SYNE1: variants seen among roughly 807,000 people sequenced by gnomAD.
SYNE1 encodes the protein nesprin-1.
In SYNE1, 616 loss-of-function variants were observed where a neutral mutation model predicts 1,111.0. That is an observed-to-expected ratio of 0.55 (90% CI 0.52 to 0.59). The LOEUF is 0.59. Among genes scored for constraint, SYNE1 ranks in the 20% least tolerant of loss-of-function variants. SYNE1 has a pLI of 0.00. For missense variants in SYNE1, 10,006 were observed against 10,417.0 expected (o/e 0.96, Z 1.72); for synonymous variants, 3,855 against 3,825.8 (o/e 1.01, Z -0.28).
intron 87 of SYNE1, among the ~76,000 whole-genome samples, chr6:152,312,464 C>T (rs1295473690): frequency 1.3e-5 from 2 of 150,758 alleles, no homozygotes; most frequent in African/African-American, 2.4e-5. Context: ...GCCTCGGTCC[C>T]CCAAAGTGCT....
rs776277039 is a variant in SYNE1 at position 152,401,264 on chromosome 6, A to T, written c.6903T>A (p.Asp2301Glu). The T allele has an allele frequency of 6.2e-7, 1 of 1,614,002 alleles. No individual in the cohort carries two copies. Among genetic ancestry groups the T allele is most frequent in the Non-Finnish European group, 8.5e-7 (1 of 1,180,026 alleles). ...CCACTTGTGTACTTTGAGCCGTGAAATCCTTCAGGGTTCCTTTTGCTACTT... is the reference window on the plus strand; with the variant it reads ...CCACTTGTGTACTTTGAGCCGTGAATTCCTTCAGGGTTCCTTTTGCTACTT... ...ITEVAKGTLK[D>E]FTAQSTQVEK... The change falls in exon 47 of 146, where the codon GAT (aspartate) becomes GAA (glutamate). Residue 2301 changes from aspartate to glutamate, a missense_variant. By Grantham distance (45) the Asp-to-Glu change is conservative. This residue lies in a region of SYNE1 where 4,955 missense variants were observed against 5,017.2 expected (regional missense o/e 0.99). Transcript: ENST00000367255.
Position 152,310,940 on chromosome 6 carries a change from C to T in SYNE1, c.16711-67G>A. On this transcript the variant is annotated intron_variant, in intron 87 of 145. Coordinates refer to ENST00000367255, the MANE Select transcript of SYNE1 (RefSeq NM_182961.4). ...AGAGGGATATAGATATTCAATATAG[C>T]TTGGCATAAAATGCCCTGTGTAAGT... 5 of 1,531,872 alleles carry T rather than the reference C, an allele frequency of 3.3e-6. No homozygotes were observed. The South Asian group carries it at 4.7e-5, about 14-fold the overall frequency. 94.9% of individuals were successfully genotyped at this position (1,531,872 alleles called of 1,614,324 possible). A position where few individuals can be genotyped will look rare whatever the true frequency, so the allele number is the denominator to read the frequency against.
chr6:152,167,897 CCT>C, intron 130 of SYNE1: 1 of 749,134 alleles, frequency 1.3e-6, no homozygotes, highest in Non-Finnish European at 2.5e-6. Flanking sequence ...AGTCCATTAA[CCT>C]TTTTGTCCAG....
At chr6:152,485,082 ATGT>A in intron 12 of SYNE1, 110 bp from the exon 13 acceptor site, 3 of 1,212,436 alleles carry the variant, frequency 2.5e-6, no homozygotes, top group Non-Finnish European at 2.3e-6. Context: ...CACTCAATAT[ATGT>A]TGTTGATAAT....
rs201354687 is a variant in SYNE1 at position 152,449,543 on chromosome 6, C to T, written c.3494G>A (p.Arg1165His). Residue 1165 changes from arginine to histidine, a missense_variant, in exon 28 of 146, where the codon CGT (arginine) becomes CAT (histidine). This residue lies in a region of SYNE1 where 1,971 missense variants were observed against 2,084.1 expected (regional missense o/e 0.95). Transcript: ENST00000367255. ...IDTANHGEVK[R>H]AVEEIRNGVT... Reference sequence around the variant, plus strand: ...TGACCCTGAACTTACTTCAACGGCACGTTTAACCTCTCCGTGGTTGGCAGT... The same window carrying T: ...TGACCCTGAACTTACTTCAACGGCATGTTTAACCTCTCCGTGGTTGGCAGT... 72 of 1,613,612 alleles carry T rather than the reference C, an allele frequency of 4.5e-5. No individual in the cohort carries two copies. The highest frequency in any genetic ancestry group is 5.8e-5 in the Non-Finnish European group (69 of 1,179,662).
In SYNE1 at chr6:152,326,633, C is replaced by A; in HGVS notation, c.14956G>T (p.Ala4986Ser). 6.2e-7 allele frequency: 1 copy of A among 1,612,924 alleles called. No individual in the cohort carries two copies. The highest frequency in any genetic ancestry group is 1.7e-5 in the Admixed American group (1 of 59,982). ...TGGCTATATATTTCAGTCAAGGTAGCCTGAAAAACAGCAATTGCAAACATA... is the reference window on the plus strand; with the variant it reads ...TGGCTATATATTTCAGTCAAGGTAGACTGAAAAACAGCAATTGCAAACATA... Reference protein sequence around the residue: ...DIQEALRTRQATLTEIYSQCQ... With the variant: ...DIQEALRTRQSTLTEIYSQCQ... Residue 4986 changes from alanine (A) to serine (S), a missense_variant and splice_region_variant, in exon 79 of 146, where the codon GCT becomes TCT. Ala to Ser is a moderately conservative substitution (Grantham distance 99, BLOSUM62 1). Coordinates refer to ENST00000367255, the MANE Select transcript of SYNE1 (RefSeq NM_182961.4).
At chr6:152,550,588 T>C (rs1477861410) in intron 3 of SYNE1, among the ~76,000 whole-genome samples, 1 of 151,454 alleles carries the variant, frequency 6.6e-6, no homozygotes, top group Non-Finnish European at 1.5e-5. Flanking sequence ...AGGGGACAGA[T>C]GCATCAGCCT....
intron 54 of SYNE1, 98 bp from the exon 55 acceptor site, chr6:152,385,936 A>C: frequency 5.2e-5 from 57 of 1,088,322 alleles, no homozygotes; most frequent in Non-Finnish European, 7.1e-5. Flanking sequence ...AACACATCTC[A>C]GAAAATTTCA....
chr6:152,425,947 A>G (rs1275750409), intron 38 of SYNE1, among the ~76,000 whole-genome samples: 1 of 152,172 alleles, frequency 6.6e-6, no homozygotes, highest in Non-Finnish European at 1.5e-5. Flanking sequence ...TGCCGGAGAG[A>G]CTCAGTGCAC....
Position 152,230,527 on chromosome 6 carries a change from T to A in SYNE1, c.21195+20A>T, listed in dbSNP as rs753742582. The A allele has an allele frequency of 6.2e-7, 1 of 1,613,352 alleles. No homozygotes were observed. ...TATGAAATTGTGAGATGGTGCATGT[T>A]AGCCACCTGGACAAGTTACCTGACA... On this transcript the variant is annotated intron_variant, in intron 115 of 145. Coordinates refer to ENST00000367255, the MANE Select transcript of SYNE1 (RefSeq NM_182961.4).
chr6:152,385,131 A>T (rs2097504699), intron 55 of SYNE1, among the ~76,000 whole-genome samples: 1 of 152,190 alleles, frequency 6.6e-6, no homozygotes, highest in Non-Finnish European at 1.5e-5. Flanking sequence ...ATATTTAAGC[A>T]ACTAGAAATT....
chr6:152,449,874 A>C (rs1314151573), intron 27 of SYNE1, among the ~76,000 whole-genome samples: 1 of 152,216 alleles, frequency 6.6e-6, no homozygotes, highest in Non-Finnish European at 1.5e-5. Context: ...AGCTAAGGAA[A>C]AAGATGTGTT....
intron 108 of SYNE1, among the ~76,000 whole-genome samples, chr6:152,237,237 A>T (rs747797969): frequency 3.3e-5 from 5 of 151,860 alleles, no homozygotes; most frequent in Non-Finnish European, 7.4e-5. Context: ...GGGGATAATA[A>T]TAGCTATCTT....
chr6:152,123,911 C>A (rs2052367673), intron 145 of SYNE1, among the ~76,000 whole-genome samples: 1 of 151,992 alleles, frequency 6.6e-6, no homozygotes, highest in Non-Finnish European at 1.5e-5. Flanking sequence ...GACAGACTAC[C>A]CTAATATCGG....
chr6:152,156,494 A>G (rs2061396540), intron 131 of SYNE1, among the ~76,000 whole-genome samples: 1 of 152,170 alleles, frequency 6.6e-6, no homozygotes, highest in Non-Finnish European at 1.5e-5. Flanking sequence ...CTCGGACACC[A>G]AAACCCATGG....
At chr6:152,391,209 C>T (rs1014553593) in intron 52 of SYNE1, 68 bp downstream of exon 52, 8 of 1,605,254 alleles carry the variant, frequency 5.0e-6, no homozygotes, top group Non-Finnish European at 6.8e-6. Flanking sequence ...GGACACAACA[C>T]AAGCACTTGT....
At chr6:152,377,669 A>ATC (rs1563521466) in intron 56 of SYNE1, among the ~76,000 whole-genome samples, 3 of 134,488 alleles carry the variant, frequency 2.2e-5, no homozygotes, top group African/African-American at 2.8e-5. Flanking sequence ...ATATATATAT[A>ATC]TATCTCCAAA....
chr6:152,625,721 C>T (rs1001634204), intron 3 of SYNE1, among the ~76,000 whole-genome samples: 14 of 152,190 alleles, frequency 9.2e-5, no homozygotes, highest in African/African-American at 3.1e-4. Flanking sequence ...TTATACAGCA[C>T]AGAGTGTACA....
At position 152,321,756 on chromosome 6, in the gene SYNE1, T is replaced by C. The variant is rs2095873538; in HGVS notation, c.16048A>G (p.Thr5350Ala). ...QETKEYLGNP[T>A]IEIDAQLEEL... ...TCAAGTTGAGCATCTATTTCTATTG[T>C]TGGATTCCCTAAATATTCTTTCGTT... The change falls in exon 83 of 146, where the codon ACA (threonine) becomes GCA (alanine). Residue 5350 changes from threonine to alanine, a missense_variant. By Grantham distance (58) the Thr-to-Ala change is moderately conservative (BLOSUM62 0). Around this residue, in one of 7 missense-constraint regions of SYNE1, gnomAD observed 4,955 missense variants for 5,017.2 expected, o/e 0.99. Transcript: ENST00000367255. 2 of 1,614,072 alleles carry C rather than the reference T, an allele frequency of 1.2e-6. No individual in the cohort carries two copies. Among genetic ancestry groups the C allele is most frequent in the South Asian group, 1.1e-5 (1 of 91,078 alleles).
Sources: gnomAD v4.1 joint callset for allele counts (sites outside exome capture counted in the v4.1 genomes callset) on GRCh38, gnomAD v4.1.1 for gene constraint, gnomAD v4.1.1 regional missense constraint, MANE v1.5 for transcripts, NCBI Gene and HGNC (gene_info 2026-07-23, HGNC 2026-07-21) for gene names.